Variants in GRID2 observed in about 807,000 individuals in gnomAD.
The protein encoded by GRID2 is glutamate ionotropic receptor delta type subunit 2.
GRID2 carries 33 observed loss-of-function variants against 114.8 expected under a neutral mutation model. The ratio of observed to expected loss-of-function variants is 0.29; its 90% confidence interval spans 0.22 to 0.38. The LOEUF (loss-of-function observed/expected upper bound fraction) is 0.38, where lower values mean the gene tolerates loss of function less well. GRID2 is among the 10% of genes least tolerant of loss of function. The probability of loss-of-function intolerance (pLI) is 1.00; values close to 1 mark genes in which losing one functional copy is unlikely to be tolerated. For synonymous variants in GRID2, 505 were observed against 449.9 expected, an observed-to-expected ratio of 1.12 and a Z score of -1.55; for missense variants, 1,184 against 1,257.7, an observed-to-expected ratio of 0.94 and a Z score of 0.89.
chr4:92,595,822 A>G (rs1156557553), intron 2 of GRID2, among the ~76,000 whole-genome samples: 1 of 152,124 alleles, frequency 6.6e-6, no homozygotes, highest in African/African-American at 2.4e-5. Context: ...CATCTCCAAA[A>G]CACATTACCA....
chr4:92,684,460 T>G (rs1376993952), intron 2 of GRID2, among the ~76,000 whole-genome samples: 1 of 151,998 alleles, frequency 6.6e-6, no homozygotes, highest in African/African-American at 2.4e-5. Flanking sequence ...AATGTGACAT[T>G]CTCTTTCTCC....
intron 2 of GRID2, among the ~76,000 whole-genome samples, chr4:92,886,412 G>T (rs1746370589): frequency 6.6e-6 from 1 of 152,032 alleles, no homozygotes; most frequent in Admixed American, 6.6e-5. Flanking sequence ...ATTTTTAGAT[G>T]CAGGGTTGCC....
At chr4:92,576,341 G>A (rs921528222) in intron 1 of GRID2, among the ~76,000 whole-genome samples, 15 of 152,230 alleles carry the variant, frequency 9.9e-5, no homozygotes, top group Non-Finnish European at 1.5e-4. Context: ...GGACTAAACA[G>A]CAGATATGGT....
rs775722967 is a variant in GRID2 at position 93,085,006 on chromosome 4, A to G, written c.256A>G (p.Met86Val). Residue 86 changes from methionine to valine, a missense_variant, in exon 3 of 16, where the codon ATG becomes GTG. This residue lies in a region of GRID2 where 455 missense variants were observed against 429.5 expected (regional missense o/e 1.06). Transcript: ENST00000282020. ...GTGCTTTCTTGCAGCCTGTGAACTT[A>G]TGAATCAAGGCATCTTGGCCCTGGT... ...FQAVQEACEL[M>V]NQGILALVSS... 3 of 1,613,810 alleles carry G rather than the reference A, an allele frequency of 1.9e-6. No individual in the cohort carries two copies. The highest frequency in any genetic ancestry group is 2.2e-5 in the South Asian group (2 of 91,078).
At position 93,404,333 on chromosome 4, in the gene GRID2, C is replaced by T. The variant is rs187185775; in HGVS notation, c.1347+8625C>T. ...CTGCAATGATGATTGCACATATTTGCGAATATACTAAAGCTATTGGATTGT... is the reference window on the plus strand; with the variant it reads ...CTGCAATGATGATTGCACATATTTGTGAATATACTAAAGCTATTGGATTGT... On this transcript the variant is annotated intron_variant, in intron 9 of 15. Transcript: ENST00000282020. Among the ~76,000 whole-genome samples, 908 of 152,050 alleles carry T rather than the reference C, an allele frequency of 6.0e-3. 7 individuals carry two copies. Among genetic ancestry groups the T allele is most frequent in the Admixed American group, 9.5e-3 (145 of 15,242 alleles).
At chr4:93,733,152 G>A (rs908499431) in intron 14 of GRID2, among the ~76,000 whole-genome samples, 1 of 152,048 alleles carries the variant, frequency 6.6e-6, no homozygotes, top group Non-Finnish European at 1.5e-5. Context: ...GCTTATTTTA[G>A]GTTTCATATG....
At chr4:93,543,411 AATT>A (rs1184632123) in intron 13 of GRID2, among the ~76,000 whole-genome samples, 1 of 152,204 alleles carries the variant, frequency 6.6e-6, no homozygotes, top group African/African-American at 2.4e-5. Flanking sequence ...GGTATGTCTC[AATT>A]ATTTCTCTCT....
chr4:92,316,620 G>A (rs1560564202), intron 1 of GRID2, among the ~76,000 whole-genome samples: 1 of 152,006 alleles, frequency 6.6e-6, no homozygotes, highest in African/African-American at 2.4e-5. Context: ...ACTTTCAGGA[G>A]TATCTGCCTT....
At chr4:93,234,003 G>C (rs1287504703) in intron 7 of GRID2, among the ~76,000 whole-genome samples, 1 of 152,068 alleles carries the variant, frequency 6.6e-6, no homozygotes, top group Non-Finnish European at 1.5e-5. Context: ...GAGAAATGGA[G>C]ACATTACTTT....
chr4:92,974,927 G>C (rs917259594), intron 2 of GRID2, among the ~76,000 whole-genome samples: 12 of 100,704 alleles, frequency 1.2e-4, no homozygotes, highest in African/African-American at 4.8e-4. Flanking sequence ...GGAGGCCGAG[G>C]CGGGCGGATC....
chr4:93,264,166 G>A lies in GRID2; in HGVS notation c.1245+25676G>A, dbSNP rs550524805. Among the ~76,000 whole-genome samples, 5 of 152,204 alleles carry A rather than the reference G, an allele frequency of 3.3e-5. No individual in the cohort carries two copies. In the South Asian group the frequency reaches 6.2e-4, roughly 19 times the overall value. ...AAAACCTAGCAGTACTCATTGACACGTGCAAAGAATATGTTATTTTTGGCT... is the reference window on the plus strand; with the variant it reads ...AAAACCTAGCAGTACTCATTGACACATGCAAAGAATATGTTATTTTTGGCT... On this transcript the variant is annotated intron_variant, in intron 8 of 15. Coordinates refer to ENST00000282020, the MANE Select transcript of GRID2 (RefSeq NM_001510.4).
At chr4:93,636,903 G>A (rs540143005) in intron 14 of GRID2, among the ~76,000 whole-genome samples, 48 of 152,228 alleles carry the variant, frequency 3.2e-4, no homozygotes, top group Middle Eastern at 3.4e-3. Context: ...CAGGCTCCCA[G>A]TCCAGTGTCC....
intron 8 of GRID2, among the ~76,000 whole-genome samples, chr4:93,380,662 A>G (rs902906482): frequency 2.0e-5 from 3 of 152,006 alleles, no homozygotes; most frequent in African/African-American, 7.2e-5. Flanking sequence ...TATCCCTCAT[A>G]TATGTACAAC....
intron 2 of GRID2, among the ~76,000 whole-genome samples, chr4:92,609,111 T>C (rs1579676484): frequency 6.6e-6 from 1 of 151,836 alleles, no homozygotes; most frequent in South Asian, 2.1e-4. Flanking sequence ...CTGATGTTGG[T>C]ATGCTTACTT....
intron 8 of GRID2, chr4:93,258,983 A>T (rs1224322967): frequency 2.3e-6 from 1 of 436,114 alleles, no homozygotes; most frequent in Non-Finnish European, 4.6e-6. Context: ...TGACTAGAGT[A>T]CCACTGAGGC....
intron 1 of GRID2, among the ~76,000 whole-genome samples, chr4:92,433,310 A>G (rs879564251): frequency 1.3e-5 from 2 of 152,198 alleles, no homozygotes; most frequent in African/African-American, 2.4e-5. Context: ...CCAGCACAGC[A>G]CTAAGCTGTG....
At chr4:93,632,269 T>C (rs573697602) in intron 14 of GRID2, among the ~76,000 whole-genome samples, 1 of 152,340 alleles carries the variant, frequency 6.6e-6, no homozygotes, top group African/African-American at 2.4e-5. Context: ...GCTTTTGGTG[T>C]TTTAGATATG....
At chr4:93,101,946 A>G (rs963476257) in intron 3 of GRID2, among the ~76,000 whole-genome samples, 1 of 152,182 alleles carries the variant, frequency 6.6e-6, no homozygotes, top group Non-Finnish European at 1.5e-5. Context: ...ACATTAAAAT[A>G]TCATTTCCTG....
intron 2 of GRID2, among the ~76,000 whole-genome samples, chr4:92,643,465 T>C (rs1189088464): frequency 6.6e-6 from 1 of 151,794 alleles, no homozygotes; most frequent in Non-Finnish European, 1.5e-5. Context: ...TGCTGGAACT[T>C]ATAAACAACT....
Sources: allele counts gnomAD v4.1 joint callset (sites outside exome capture counted in the v4.1 genomes callset), GRCh38; gene constraint gnomAD v4.1.1; regional missense constraint gnomAD v4.1.1; transcripts MANE v1.5; gene names NCBI Gene and HGNC (gene_info 2026-07-23, HGNC 2026-07-21).